NRCAM: variants seen among roughly 807,000 people sequenced by gnomAD.
NRCAM encodes neuronal cell adhesion molecule, also known as NgCAM-related cell adhesion molecule.
A neutral mutation model predicts 156.5 loss-of-function variants in NRCAM; 83 were observed. The ratio of observed to expected loss-of-function variants is 0.53; its 90% CI spans 0.44 to 0.64. The LOEUF is 0.64. Among genes scored for constraint, NRCAM ranks in the 30% least tolerant of loss-of-function variants. The pLI is 0.00. For synonymous variants in NRCAM, 538 were observed against 563.9 expected (o/e 0.95, Z 0.65); for missense variants, 1,417 against 1,597.3 (o/e 0.89, Z 1.92).
At chr7:108,192,864 G>C (rs2072874295) in intron 17 of NRCAM, among the ~76,000 whole-genome samples, 1 of 152,148 alleles carries the variant, frequency 6.6e-6, no homozygotes, top group African/African-American at 2.4e-5. Context: ...CTTTTCTAGA[G>C]GGAACTTGTG....
At position 108,239,962 on chromosome 7, in the gene NRCAM, C is replaced by T; in HGVS notation, c.103G>A (p.Asp35Asn). The T allele has an allele frequency of 1.9e-6, 3 of 1,604,042 alleles. No individual in the cohort carries two copies. The highest frequency in any genetic ancestry group is 2.6e-6 in the Non-Finnish European group (3 of 1,171,852). Residue 35 changes from aspartate to asparagine, a missense_variant, in exon 4 of 33, where the codon GAT (aspartate) becomes AAT (asparagine). By Grantham distance (23) the Asp-to-Asn change is conservative. This residue lies in a region of NRCAM where 1,238 missense variants were observed against 1,336.4 expected (regional missense o/e 0.93). Coordinates refer to ENST00000379028, the MANE Select transcript of NRCAM (RefSeq NM_001037132.4). ...GCTTTAAAACGTTAATACTTACGAT[C>T]AAGAGGTACTTCCAGTGCACTAATC... ...QMISALEVPL[D>N]PKLLEDLVQP... is the part of the protein sequence containing the mutation.
intron 3 of NRCAM, among the ~76,000 whole-genome samples, chr7:108,251,440 G>A (rs1176934686): frequency 1.3e-5 from 2 of 152,178 alleles, no homozygotes; most frequent in African/African-American, 4.8e-5. Context: ...ATGCTTTGAA[G>A]GTGTCTCAGG....
At chr7:108,445,126 CACA>C (rs1375762269) in intron 1 of NRCAM, among the ~76,000 whole-genome samples, 1 of 152,120 alleles carries the variant, frequency 6.6e-6, no homozygotes, top group Non-Finnish European at 1.5e-5. Flanking sequence ...ATGCCTGACA[CACA>C]ACAAAATTAT....
chr7:108,197,398 A>C (rs2075724339), intron 14 of NRCAM, among the ~76,000 whole-genome samples: 1 of 152,210 alleles, frequency 6.6e-6, no homozygotes. Flanking sequence ...CAATTCTCAC[A>C]AAAATTTTAA....
intron 8 of NRCAM, among the ~76,000 whole-genome samples, chr7:108,229,420 C>A (rs529739223): frequency 1.3e-5 from 2 of 152,288 alleles, no homozygotes; most frequent in South Asian, 4.1e-4. Flanking sequence ...AGCCACCCTG[C>A]CTGGTTAATC....
chr7:108,190,598 T>G (rs2070701194), intron 19 of NRCAM, among the ~76,000 whole-genome samples: 1 of 152,208 alleles, frequency 6.6e-6, no homozygotes, highest in Non-Finnish European at 1.5e-5. Context: ...AAAATTGATT[T>G]TTGTATTGAC....
intron 1 of NRCAM, among the ~76,000 whole-genome samples, chr7:108,436,227 C>A (rs1176160848): frequency 7.1e-6 from 1 of 141,330 alleles, no homozygotes; most frequent in African/African-American, 2.6e-5. Flanking sequence ...GGATGGGCTA[C>A]AGAGATTAAA....
chr7:108,165,976 A>C (rs1302977189), intron 30 of NRCAM, among the ~76,000 whole-genome samples: 1 of 152,256 alleles, frequency 6.6e-6, no homozygotes, highest in Non-Finnish European at 1.5e-5. Flanking sequence ...TTCTCCATCT[A>C]GCGAGCAAAT....
intron 2 of NRCAM, among the ~76,000 whole-genome samples, chr7:108,343,469 C>T (rs983323318): frequency 3.9e-5 from 6 of 152,038 alleles, no homozygotes; most frequent in South Asian, 2.1e-4. Flanking sequence ...AACTGCCAAG[C>T]GGACATTGAA....
chr7:108,231,227 G>C (rs1414869368), intron 7 of NRCAM, 74 bp from the exon 8 acceptor site: 1 of 1,067,298 alleles, frequency 9.4e-7, no homozygotes. Context: ...ACAAATAAAG[G>C]CAAACTGAAG....
intron 2 of NRCAM, among the ~76,000 whole-genome samples, chr7:108,330,639 G>A (rs1285019678): frequency 6.6e-6 from 1 of 152,104 alleles, no homozygotes; most frequent in African/African-American, 2.4e-5. Context: ...GACAAGAATG[G>A]GTACCGTCCC....
chr7:108,418,161 A>G (rs1170900101), intron 1 of NRCAM, among the ~76,000 whole-genome samples: 1 of 152,120 alleles, frequency 6.6e-6, no homozygotes, highest in Non-Finnish European at 1.5e-5. Context: ...AGTCATGGCT[A>G]CCACAGGTCT....
At position 108,405,341 on chromosome 7, in the gene NRCAM, G is replaced by C. The variant is rs78550840; in HGVS notation, c.-331-5748C>G. On this transcript the variant is annotated intron_variant, in intron 1 of 32. Transcript: ENST00000379028. ...GCTTCTTTGTTCTGAACATGTTTTC[G>C]GGTATGAAAAAGGCAGGAGCCAGGA... 7.6e-3 allele frequency among the ~76,000 whole-genome samples: 1,155 copies of C among 152,240 alleles called. 12 individuals carry two copies. Among genetic ancestry groups the C allele is most frequent in the African/African-American group, 0.026 (1,081 of 41,538 alleles).
intron 32 of NRCAM, 105 bp from the exon 33 acceptor site, chr7:108,150,252 G>T (rs1034414630): frequency 1.0e-5 from 9 of 889,438 alleles, no homozygotes; most frequent in African/African-American, 1.7e-5. Context: ...GGAGTCCTGG[G>T]CTTCTCTGGC....
At chr7:108,299,126 G>GAAAGAAAGAAAGA (rs2098530961) in intron 3 of NRCAM, among the ~76,000 whole-genome samples, 2 of 62,328 alleles carry the variant, frequency 3.2e-5, no homozygotes, top group African/African-American at 1.2e-4. Context: ...AAGAAAGAAA[G>GAAAGAAAGAAAGA]AAAGAAAGAA....
intron 23 of NRCAM, among the ~76,000 whole-genome samples, chr7:108,182,252 T>G (rs1403817061): frequency 6.6e-6 from 1 of 152,200 alleles, no homozygotes; most frequent in Non-Finnish European, 1.5e-5. Flanking sequence ...GGGTTTGAAC[T>G]GCATGGGTCC....
Position 108,182,918 on chromosome 7 carries a change from G to C in NRCAM, c.2307C>G (p.Pro769=). The C allele has an allele frequency of 1.2e-6, 2 of 1,613,766 alleles. No homozygotes were observed. Among genetic ancestry groups the C allele is most frequent in the Middle Eastern group, 1.7e-4 (1 of 6,060 alleles). ...GCCCATTAGATTCGAAACCATTCAA[G>C]GGCTACAAGGAAAGCCAAATAACCA... ...EPDNLVITWK[P]LNGFESNGPG... is the part of the protein sequence containing the mutation. Residue 769 remains proline, a splice_region_variant and synonymous_variant, in exon 23 of 33, where the codon CCC becomes CCG. Transcript: ENST00000379028.
At chr7:108,168,967 T>C (rs11767318) in intron 28 of NRCAM, among the ~76,000 whole-genome samples, 122,722 of 152,142 alleles carry the variant, frequency 0.81, 49,879 homozygotes, top group East Asian at 1. Flanking sequence ...AGGTAAGAAA[T>C]CCCTGCTTTA....
chr7:108,311,546 ACTT>A (rs1405157688), intron 3 of NRCAM, among the ~76,000 whole-genome samples: 19 of 152,218 alleles, frequency 1.2e-4, no homozygotes, highest in African/African-American at 4.3e-4. Context: ...GCTAATTTTC[ACTT>A]TTCAGGGACT....
Sources: allele counts gnomAD v4.1 joint callset (sites outside exome capture counted in the v4.1 genomes callset), GRCh38; gene constraint gnomAD v4.1.1; regional missense constraint gnomAD v4.1.1; transcripts MANE v1.5; gene names NCBI Gene and HGNC (gene_info 2026-07-23, HGNC 2026-07-21).